The following TAFA2 variants were observed in gnomAD, a reference collection of about 807,000 sequenced individuals.
The protein encoded by TAFA2 is TAFA chemokine like family member 2, also known as chemokine-like protein TAFA-2.
TAFA2 carries 7 observed loss-of-function variants against 18.8 expected under a neutral mutation model. The ratio of observed to expected loss-of-function variants is 0.37; its 90% CI spans 0.21 to 0.70. TAFA2 has a LOEUF of 0.70. TAFA2 is among the 30% of genes least tolerant of loss of function. The pLI is 0.53. For synonymous variants in TAFA2, 60 were observed against 54.2 expected, an observed-to-expected ratio of 1.11 and a Z score of -0.47; for missense variants, 122 against 158.1, an observed-to-expected ratio of 0.77 and a Z score of 1.23.
intron 2 of TAFA2, among the ~76,000 whole-genome samples, chr12:61,765,187 C>T (rs1869733457): frequency 6.6e-6 from 1 of 152,002 alleles, no homozygotes; most frequent in Admixed American, 6.6e-5. Context: ...ATAAAAACCT[C>T]CCACTCCATC....
chr12:61,747,507 C>G (rs1374514766), intron 4 of TAFA2, among the ~76,000 whole-genome samples: 1 of 147,986 alleles, frequency 6.8e-6, no homozygotes, highest in Non-Finnish European at 1.5e-5. Flanking sequence ...AAATGTGGCA[C>G]ATATACACCA....
chr12:62,154,114 T>C (rs1332274889), intron 1 of TAFA2, among the ~76,000 whole-genome samples: 8 of 152,122 alleles, frequency 5.3e-5, no homozygotes. Context: ...GGAATGCATG[T>C]GGATAAACAA....
chr12:61,997,720 G>A (rs1384626404), intron 1 of TAFA2, among the ~76,000 whole-genome samples: 1 of 151,634 alleles, frequency 6.6e-6, no homozygotes, highest in Non-Finnish European at 1.5e-5. Context: ...AAAGATGAAG[G>A]GAAGAAGAAA....
chr12:62,076,710 A>T (rs77525103), intron 1 of TAFA2, among the ~76,000 whole-genome samples: 8,403 of 152,294 alleles, frequency 0.055, 349 homozygotes, highest in Non-Finnish European at 0.085. Context: ...TCCACTAAAT[A>T]CTTTCTTCCA....
chr12:61,756,787 A>G (rs1458947403), intron 2 of TAFA2, among the ~76,000 whole-genome samples: 2 of 152,102 alleles, frequency 1.3e-5, no homozygotes, highest in Non-Finnish European at 2.9e-5. Flanking sequence ...TCTCTCTTTG[A>G]GGAGATAATC....
intron 2 of TAFA2, among the ~76,000 whole-genome samples, chr12:61,771,107 G>T (rs1026194469): frequency 6.6e-6 from 1 of 151,680 alleles, no homozygotes; most frequent in East Asian, 2.0e-4. Flanking sequence ...TCTTACATCA[G>T]ACAAAACCGA....
intron 1 of TAFA2, among the ~76,000 whole-genome samples, chr12:61,972,869 A>G (rs140000194): frequency 6.6e-6 from 1 of 151,680 alleles, no homozygotes; most frequent in Non-Finnish European, 1.5e-5. Flanking sequence ...AGATAGTTCA[A>G]ATCCATGATT....
intron 1 of TAFA2, among the ~76,000 whole-genome samples, chr12:62,097,174 T>A (rs1868987303): frequency 6.6e-6 from 1 of 152,166 alleles, no homozygotes; most frequent in Non-Finnish European, 1.5e-5. Flanking sequence ...GATCTCTAAT[T>A]GCAAGGAGCT....
At chr12:61,928,842 AC>A (rs1363269224) in intron 1 of TAFA2, among the ~76,000 whole-genome samples, 2 of 152,004 alleles carry the variant, frequency 1.3e-5, no homozygotes, top group Non-Finnish European at 2.9e-5. Flanking sequence ...GCCAAAAAAA[AC>A]ATGAGTCTGT....
At chr12:61,739,364 T>A (rs1259988914) in intron 4 of TAFA2, among the ~76,000 whole-genome samples, 1 of 152,024 alleles carries the variant, frequency 6.6e-6, no homozygotes, top group Non-Finnish European at 1.5e-5. Flanking sequence ...TGACAATGTC[T>A]CCATCTGTCA....
intron 4 of TAFA2, among the ~76,000 whole-genome samples, chr12:61,722,935 T>C (rs1475998509): frequency 6.6e-6 from 1 of 152,046 alleles, no homozygotes; most frequent in Non-Finnish European, 1.5e-5. Context: ...GGAAGAAACA[T>C]AAACTTATTT....
At chr12:61,956,631 T>TTTTTTA (rs1555178885) in intron 1 of TAFA2, among the ~76,000 whole-genome samples, 1 of 142,774 alleles carries the variant, frequency 7.0e-6, no homozygotes, top group Non-Finnish European at 1.5e-5. Flanking sequence ...TTTGTTTTGT[T>TTTTTTA]AAAAAAAAAA....
intron 1 of TAFA2, among the ~76,000 whole-genome samples, chr12:62,025,072 A>G (rs1182696877): frequency 2.6e-5 from 4 of 152,200 alleles, no homozygotes; most frequent in Admixed American, 6.6e-5. Flanking sequence ...AAACACAACT[A>G]CTATTCAACC....
At chr12:61,990,286 C>A (rs1322639892) in intron 1 of TAFA2, among the ~76,000 whole-genome samples, 2 of 148,226 alleles carry the variant, frequency 1.3e-5, no homozygotes, top group Non-Finnish European at 3.0e-5. Flanking sequence ...TTAGTTTATT[C>A]TTTTATTAGA....
intron 4 of TAFA2, among the ~76,000 whole-genome samples, chr12:61,739,285 A>T (rs1195104474): frequency 1.3e-5 from 2 of 152,118 alleles, no homozygotes; most frequent in Admixed American, 6.6e-5. Flanking sequence ...ATGTTGAGGT[A>T]ACATTGCACA....
intron 1 of TAFA2, among the ~76,000 whole-genome samples, chr12:61,894,184 G>T (rs1266307616): frequency 6.6e-6 from 1 of 152,166 alleles, no homozygotes; most frequent in Non-Finnish European, 1.5e-5. Context: ...AATATGGGAA[G>T]TATAAAATAG....
At chr12:62,108,246 T>C (rs1869553232) in intron 1 of TAFA2, among the ~76,000 whole-genome samples, 1 of 152,200 alleles carries the variant, frequency 6.6e-6, no homozygotes, top group African/African-American at 2.4e-5. Context: ...TGTTTGGTTT[T>C]CTGTTCCTGT....
At chr12:61,896,837 G>A (rs1465539211) in intron 1 of TAFA2, among the ~76,000 whole-genome samples, 6 of 152,038 alleles carry the variant, frequency 3.9e-5, no homozygotes, top group Non-Finnish European at 5.9e-5. Flanking sequence ...AGATGTAACT[G>A]CTTGCATTAT....
intron 1 of TAFA2, among the ~76,000 whole-genome samples, chr12:61,937,791 C>A (rs1877833337): frequency 2.0e-5 from 3 of 151,872 alleles, no homozygotes; most frequent in African/African-American, 7.3e-5. Context: ...GTAACAAAAA[C>A]AAAACTAAAT....
Sources: gnomAD v4.1 joint callset for allele counts (sites outside exome capture counted in the v4.1 genomes callset) on GRCh38, gnomAD v4.1.1 for gene constraint, MANE v1.5 for transcripts, NCBI Gene and HGNC (gene_info 2026-07-23, HGNC 2026-07-21) for gene names.